The following CATSPERE variants were observed in gnomAD, a reference collection of about 807,000 sequenced individuals.
The protein encoded by CATSPERE is cation channel sperm-associated auxiliary subunit epsilon.
Under a neutral mutation model 114.1 loss-of-function variants are expected in CATSPERE, and 93 were observed. The observed-to-expected ratio is 0.81, with a 90% CI of 0.69 to 0.97. The LOEUF is 0.97. Ranked by LOEUF, CATSPERE falls within the 50% of genes least tolerant of loss-of-function variation. The pLI, the probability that CATSPERE is intolerant of heterozygous loss-of-function variation, is 0.00. For missense variants in CATSPERE, 1,058 were observed against 1,131.6 expected (o/e 0.93, Z 0.93); for synonymous variants, 341 against 384.1 (o/e 0.89, Z 1.31).
chr1:244,502,974 T>A (rs1249546853), intron 7 of CATSPERE, among the ~76,000 whole-genome samples: 2 of 152,128 alleles, frequency 1.3e-5, no homozygotes, highest in African/African-American at 4.8e-5. Flanking sequence ...TGTGCATATC[T>A]AAGTGCAGAA....
Position 244,599,522 on chromosome 1 carries a change from G to A in CATSPERE, c.2303+5944G>A, listed in dbSNP as rs575800064. Among the ~76,000 whole-genome samples, 8 of 152,236 alleles carry A rather than the reference G, an allele frequency of 5.3e-5. 1 individual carries two copies. In the South Asian group the frequency reaches 1.5e-3, roughly 28 times the overall value. On this transcript the variant is annotated intron_variant, in intron 17 of 21. Transcript: ENST00000366534. ...AGACCCAAGTCATCACCACTGACCC[G>A]GATTATTACAACAGGCTTTTTGTTG...
intron 1 of CATSPERE, 149 bp from the exon 2 acceptor site, chr1:244,463,759 A>G: frequency 3.0e-6 from 2 of 676,562 alleles, no homozygotes; most frequent in South Asian, 1.8e-5. Flanking sequence ...TGATAGCCCC[A>G]ATTTTAGCCC....
At chr1:244,453,104 A>G (rs535768565), upstream of CATSPERE, among the ~76,000 whole-genome samples, 33 of 152,364 alleles carry the variant, frequency 2.2e-4, no homozygotes, top group East Asian at 6.2e-3. Flanking sequence ...CACTGATAAC[A>G]TAGGAGAAAT....
At chr1:244,542,247 T>C (rs1386029025) in intron 8 of CATSPERE, among the ~76,000 whole-genome samples, 2 of 151,832 alleles carry the variant, frequency 1.3e-5, no homozygotes, top group African/African-American at 4.8e-5. Flanking sequence ...TAGGTCAGCA[T>C]TTAGCTGCAT....
chr1:244,600,957 C>G (rs1669123188), intron 17 of CATSPERE, among the ~76,000 whole-genome samples: 2 of 151,750 alleles, frequency 1.3e-5, no homozygotes, highest in African/African-American at 2.4e-5. Flanking sequence ...AATGAGCACA[C>G]AAAGCAAATG....
At chr1:244,517,221 A>T (rs1676784479) in intron 7 of CATSPERE, among the ~76,000 whole-genome samples, 1 of 151,778 alleles carries the variant, frequency 6.6e-6, no homozygotes, top group Non-Finnish European at 1.5e-5. Flanking sequence ...AAAAATATAT[A>T]TTTTTAAGCT....
At chr1:244,510,267 GT>G (rs1675486827) in intron 7 of CATSPERE, among the ~76,000 whole-genome samples, 1 of 152,038 alleles carries the variant, frequency 6.6e-6, no homozygotes, top group Non-Finnish European at 1.5e-5. Flanking sequence ...GATATGTTGT[GT>G]TTCTATCTTC....
intron 17 of CATSPERE, among the ~76,000 whole-genome samples, chr1:244,603,359 C>G (rs1323882114): frequency 6.6e-6 from 1 of 152,078 alleles, no homozygotes; most frequent in Admixed American, 6.5e-5. Flanking sequence ...TTCCCAATTC[C>G]CAAAATGGAA....
At chr1:244,622,681 A>G (rs1026648350) in intron 20 of CATSPERE, among the ~76,000 whole-genome samples, 5 of 152,160 alleles carry the variant, frequency 3.3e-5, no homozygotes, top group Admixed American at 2.0e-4. Flanking sequence ...TCCTGGGGCC[A>G]TAAGTGAAAT....
chr1:244,470,120 G>A (rs4271200), intron 2 of CATSPERE, among the ~76,000 whole-genome samples: 34,045 of 151,982 alleles, frequency 0.22, 4,418 homozygotes, highest in African/African-American at 0.34. Flanking sequence ...GGGAAAATCC[G>A]TGACCTTGGA....
rs538291095 is a variant in CATSPERE at position 244,606,452 on chromosome 1, A to AC, written c.2403+658_2403+659insC. Among the ~76,000 whole-genome samples, 377 of 151,754 alleles carry AC rather than the reference A, an allele frequency of 2.5e-3. 5 individuals carry two copies. The highest frequency in any genetic ancestry group is 0.014 in the East Asian group (71 of 5,174). ...CCCACAGATTTCACTCGCAAAAAAA[A>AC]AAAACACAAAAAACAGGGATGGCTC... On this transcript the variant is annotated intron_variant, in intron 18 of 21. Transcript: ENST00000366534.
At chr1:244,587,524 G>A (rs866901267) in intron 13 of CATSPERE, among the ~76,000 whole-genome samples, 3 of 152,196 alleles carry the variant, frequency 2.0e-5, no homozygotes, top group Admixed American at 6.5e-5. Flanking sequence ...ACAGAGAAGC[G>A]TGGGCTGTGT....
intron 20 of CATSPERE, among the ~76,000 whole-genome samples, chr1:244,621,103 T>TATA (rs1558609384): frequency 8.3e-5 from 2 of 24,210 alleles, no homozygotes; most frequent in African/African-American, 2.2e-4. Context: ...AAAATATATA[T>TATA]AAATATATAT....
chr1:244,576,222 G>A (rs1388998502), intron 11 of CATSPERE, among the ~76,000 whole-genome samples: 1 of 151,730 alleles, frequency 6.6e-6, no homozygotes, highest in African/African-American at 2.4e-5. Context: ...CATACTGAGT[G>A]GGTCTCAATT....
At position 244,466,830 on chromosome 1, in the gene CATSPERE, G is replaced by A. The variant is rs72767880; in HGVS notation, c.114+2874G>A. ...CTCTCCCAGTACCTAATGAGGGATGGTGCTCAATGGAAAGATGGGACAGAG... is the reference window on the plus strand; with the variant it reads ...CTCTCCCAGTACCTAATGAGGGATGATGCTCAATGGAAAGATGGGACAGAG... On this transcript the variant is annotated intron_variant, in intron 2 of 21. Coordinates refer to ENST00000366534, the MANE Select transcript of CATSPERE (RefSeq NM_001130957.2). Among the ~76,000 whole-genome samples the A allele has an allele frequency of 9.7e-3, 1,470 of 152,278 alleles. 10 individuals are homozygous for A. The highest frequency in any genetic ancestry group is 0.015 in the Non-Finnish European group (1,037 of 68,016).
At chr1:244,567,022 C>G (rs1663674290) in intron 10 of CATSPERE, among the ~76,000 whole-genome samples, 2 of 152,110 alleles carry the variant, frequency 1.3e-5, no homozygotes, top group African/African-American at 4.8e-5. Flanking sequence ...CCTTCAGGAG[C>G]TCTTGTAAGG....
chr1:244,572,007 C>T (rs890743164), intron 10 of CATSPERE, among the ~76,000 whole-genome samples: 1 of 152,202 alleles, frequency 6.6e-6, no homozygotes, highest in Non-Finnish European at 1.5e-5. Flanking sequence ...ATTCAATCCA[C>T]AACACAATGC....
At position 244,499,082 on chromosome 1, in the gene CATSPERE, A is replaced by G; in HGVS notation, c.429+3A>G. 1.2e-6 allele frequency: 2 copies of G among 1,601,016 alleles called. No individual in the cohort carries two copies. The highest frequency in any genetic ancestry group is 1.7e-6 in the Non-Finnish European group (2 of 1,168,514). On this transcript the variant is annotated splice_donor_region_variant and intron_variant, in intron 7 of 21. Transcript: ENST00000366534. Reference sequence around the variant, plus strand: ...GGAATGCAGAAGAACCTTCAATAGTAGGTGGAAACATTAGTATCGTCATAG... The same window carrying G: ...GGAATGCAGAAGAACCTTCAATAGTGGGTGGAAACATTAGTATCGTCATAG...
intron 7 of CATSPERE, among the ~76,000 whole-genome samples, chr1:244,508,925 C>G (rs942532189): frequency 7.6e-4 from 114 of 150,888 alleles, no homozygotes; most frequent in Non-Finnish European, 5.9e-4. Flanking sequence ...CACTTGAGCC[C>G]AGGAGTTTGA....
Sources: allele counts gnomAD v4.1 joint callset (sites outside exome capture counted in the v4.1 genomes callset), GRCh38; gene constraint gnomAD v4.1.1; transcripts MANE v1.5; gene names NCBI Gene and HGNC (gene_info 2026-07-23, HGNC 2026-07-21).